ENAH: variants seen among roughly 807,000 people sequenced by gnomAD.
ENAH encodes the protein protein enabled homolog.
Under a neutral mutation model 78.7 loss-of-function variants are expected in ENAH, and 23 were observed. The ratio of observed to expected loss-of-function variants is 0.29; its 90% CI spans 0.21 to 0.41. The LOEUF (loss-of-function observed/expected upper bound fraction) is 0.41, where lower values mean the gene tolerates loss of function less well. Ranked by LOEUF, ENAH falls within the 10% of genes least tolerant of loss-of-function variation. The pLI is 1.00. For synonymous variants in ENAH, 226 were observed against 241.0 expected, an observed-to-expected ratio of 0.94 and a Z score of 0.58; for missense variants, 544 against 691.0, an observed-to-expected ratio of 0.79 and a Z score of 2.39.
intron 1 of ENAH, among the ~76,000 whole-genome samples, chr1:225,635,368 AGTT>A (rs1659872559): frequency 6.6e-6 from 1 of 152,148 alleles, no homozygotes; most frequent in African/African-American, 2.4e-5. Flanking sequence ...AATTTTTTTC[AGTT>A]GTTTATCGTA....
intron 1 of ENAH, among the ~76,000 whole-genome samples, chr1:225,632,672 A>G (rs889763784): frequency 1.3e-5 from 2 of 152,258 alleles, no homozygotes; most frequent in African/African-American, 4.8e-5. Flanking sequence ...AAAAGCATCT[A>G]CATATAGTTG....
chr1:225,604,220 T>C (rs1053307479), intron 1 of ENAH, among the ~76,000 whole-genome samples: 12 of 152,174 alleles, frequency 7.9e-5, no homozygotes, highest in Non-Finnish European at 1.6e-4. Flanking sequence ...ACTTTGAAAA[T>C]AACACTCTTA....
intron 1 of ENAH, among the ~76,000 whole-genome samples, chr1:225,622,099 T>C (rs977649754): frequency 1.3e-5 from 2 of 152,192 alleles, no homozygotes; most frequent in African/African-American, 2.4e-5. Context: ...ATTAAGACCA[T>C]GTAACAACAT....
chr1:225,562,444 C>T (rs1354947073), intron 2 of ENAH, among the ~76,000 whole-genome samples: 3 of 151,460 alleles, frequency 2.0e-5, no homozygotes, highest in Non-Finnish European at 4.4e-5. Context: ...TGGTGACAGG[C>T]GCCTATAGTC....
chr1:225,566,234 T>G (rs1313174576), intron 2 of ENAH, among the ~76,000 whole-genome samples: 1 of 152,072 alleles, frequency 6.6e-6, no homozygotes, highest in African/African-American at 2.4e-5. Flanking sequence ...GTGTAGCCCC[T>G]CTAAGATTGC....
In ENAH at chr1:225,553,439, G is replaced by A. The variant is rs565120457; in HGVS notation, c.349+1467C>T. On this transcript the variant is annotated intron_variant, in intron 3 of 13. Coordinates refer to ENST00000366843, the MANE Select transcript of ENAH (RefSeq NM_018212.6). ...GTAACATTTAGTTTCTAATATCAAC[G>A]GATACACTTTTGAAAGTTTAGAAAT... Among the ~76,000 whole-genome samples the A allele has an allele frequency of 9.2e-5, 14 of 152,024 alleles. 1 individual carries two copies. The South Asian group carries it at 2.9e-3, about 32-fold the overall frequency.
chr1:225,554,096 T>G lies in ENAH; in HGVS notation c.349+810A>C, dbSNP rs1023421625. 2.6e-5 allele frequency among the ~76,000 whole-genome samples: 4 copies of G among 152,194 alleles called. No individual in the cohort carries two copies. The South Asian group carries it at 8.3e-4, about 32-fold the overall frequency. On this transcript the variant is annotated intron_variant, in intron 3 of 13. Transcript: ENST00000366843. ...CAAATTTTCATCTGACTGCAACTCTTTCCTCTTAAAATATATATTGTTTAC... is the reference window on the plus strand; with the variant it reads ...CAAATTTTCATCTGACTGCAACTCTGTCCTCTTAAAATATATATTGTTTAC...
chr1:225,643,116 G>A (rs1661382097), intron 1 of ENAH, among the ~76,000 whole-genome samples: 1 of 152,166 alleles, frequency 6.6e-6, no homozygotes, highest in Non-Finnish European at 1.5e-5. Context: ...GCCAGGTCAC[G>A]CAAGACCTTA....
chr1:225,546,252 TAA>T (rs919272366), intron 3 of ENAH, among the ~76,000 whole-genome samples: 3 of 152,112 alleles, frequency 2.0e-5, no homozygotes, highest in African/African-American at 7.2e-5. Flanking sequence ...CTGTAAACTT[TAA>T]GAGGATAAGC....
intron 12 of ENAH, among the ~76,000 whole-genome samples, chr1:225,500,786 T>C (rs1385256927): frequency 6.6e-6 from 1 of 152,184 alleles, no homozygotes; most frequent in Non-Finnish European, 1.5e-5. Context: ...CACCCTCCAC[T>C]ACCTCTGGAC....
At chr1:225,563,503 T>C (rs577589251) in intron 2 of ENAH, among the ~76,000 whole-genome samples, 1 of 152,340 alleles carries the variant, frequency 6.6e-6, no homozygotes, top group Admixed American at 6.5e-5. Context: ...TTGATTCAAA[T>C]TTTATCAAAT....
Position 225,497,726 on chromosome 1 carries a change from G to C in ENAH, c.*49C>G. On this transcript the variant is annotated 3_prime_UTR_variant, in exon 14 of 14. Transcript: ENST00000366843. ...CTGTTGTGAACAGTTGTTGTTTGTAGGATATTTTTCCTCCAGATTAAAGTC... is the reference window on the plus strand; with the variant it reads ...CTGTTGTGAACAGTTGTTGTTTGTACGATATTTTTCCTCCAGATTAAAGTC... 6.3e-7 allele frequency: 1 copy of C among 1,578,618 alleles called. No individual in the cohort carries two copies. Among genetic ancestry groups the C allele is most frequent in the Non-Finnish European group, 8.7e-7 (1 of 1,152,056 alleles).
intron 1 of ENAH, among the ~76,000 whole-genome samples, chr1:225,643,916 G>A (rs1262513159): frequency 6.6e-6 from 1 of 152,048 alleles, no homozygotes. Flanking sequence ...CAGCCTGGGT[G>A]ACAGTTTAAG....
chr1:225,607,729 A>T (rs1335836450), intron 1 of ENAH, among the ~76,000 whole-genome samples: 1 of 152,056 alleles, frequency 6.6e-6, no homozygotes, highest in African/African-American at 2.4e-5. Flanking sequence ...CCACCCACCC[A>T]CCACCCTCCT....
At chr1:225,647,673 C>A (rs746319812) in intron 1 of ENAH, among the ~76,000 whole-genome samples, 6 of 152,128 alleles carry the variant, frequency 3.9e-5, no homozygotes, top group Non-Finnish European at 8.8e-5. Flanking sequence ...CATTTAGTAT[C>A]CACCAAATAC....
upstream of ENAH, among the ~76,000 whole-genome samples, chr1:225,653,808 A>G (rs1475096397): frequency 6.6e-6 from 1 of 152,160 alleles, no homozygotes; most frequent in Non-Finnish European, 1.5e-5. This position sits in a 1 kb window ranked among gnomAD's most constrained non-coding sequence, Gnocchi z 4.3. Flanking sequence ...ATTCCTGCGG[A>G]GTTGAGGAGG....
At chr1:225,530,107 G>A (rs538325656) in intron 4 of ENAH, among the ~76,000 whole-genome samples, 13 of 152,278 alleles carry the variant, frequency 8.5e-5, no homozygotes, top group Admixed American at 8.5e-4. Context: ...CTGCCCAGTA[G>A]AGAATGATTT....
At chr1:225,593,424 G>A (rs2096887801) in intron 1 of ENAH, among the ~76,000 whole-genome samples, 1 of 118,556 alleles carries the variant, frequency 8.4e-6, no homozygotes, top group African/African-American at 3.4e-5. Flanking sequence ...GGGGTGGGGG[G>A]TGCCCTAGTA....
chr1:225,605,300 G>A (rs1216004715), intron 1 of ENAH, among the ~76,000 whole-genome samples: 2 of 152,198 alleles, frequency 1.3e-5, no homozygotes, highest in African/African-American at 4.8e-5. Context: ...GGGAGTGGGG[G>A]AGAGAAAAGA....
Sources: gnomAD v4.1 joint callset for allele counts (sites outside exome capture counted in the v4.1 genomes callset) on GRCh38, gnomAD v4.1.1 for gene constraint, Gnocchi (gnomAD v3.1) non-coding constraint, MANE v1.5 for transcripts, NCBI Gene and HGNC (gene_info 2026-07-23, HGNC 2026-07-21) for gene names.